The following PTPRD variants were observed in gnomAD, a reference collection of about 807,000 sequenced individuals.
PTPRD encodes the protein protein tyrosine phosphatase receptor type D.
Under a neutral mutation model 214.5 loss-of-function variants are expected in PTPRD, and 34 were observed. That is an observed-to-expected ratio of 0.16 (90% confidence interval 0.12 to 0.21). The LOEUF is 0.21. Among genes scored for constraint, PTPRD ranks in the 10% least tolerant of loss-of-function variants. The probability of loss-of-function intolerance (pLI) is 1.00; values close to 1 mark genes in which losing one functional copy is unlikely to be tolerated. For missense variants in PTPRD, 2,545 were observed against 2,398.7 expected, an observed-to-expected ratio of 1.06 and a Z score of -1.27; for synonymous variants, 1,128 against 845.7, an observed-to-expected ratio of 1.33 and a Z score of -5.79.
intron 5 of PTPRD, among the ~76,000 whole-genome samples, chr9:9,928,602 G>A (rs950703728): frequency 2.0e-5 from 3 of 151,994 alleles, no homozygotes; most frequent in African/African-American, 7.2e-5. Context: ...TGATTAACAT[G>A]GAAAAATCCA....
At chr9:9,372,108 T>G (rs1391617069) in intron 9 of PTPRD, among the ~76,000 whole-genome samples, 1 of 151,996 alleles carries the variant, frequency 6.6e-6, no homozygotes. Context: ...GGGTGGAGAG[T>G]TCTGTAGATG....
chr9:9,110,612 T>C (rs1301391247), intron 10 of PTPRD, among the ~76,000 whole-genome samples: 1 of 152,154 alleles, frequency 6.6e-6, no homozygotes, highest in Non-Finnish European at 1.5e-5. Flanking sequence ...GAATTTCTAC[T>C]CTACTTCTTA....
At chr9:8,495,527 T>C (rs547835774) in intron 26 of PTPRD, among the ~76,000 whole-genome samples, 1 of 152,304 alleles carries the variant, frequency 6.6e-6, no homozygotes, top group Non-Finnish European at 1.5e-5. Context: ...TAATGACCCA[T>C]TTAGTAGGTT....
chr9:9,467,588 C>CAAAAAAAGAAAAAAAAAAA (rs2094287717), intron 8 of PTPRD, among the ~76,000 whole-genome samples: 1 of 55,952 alleles, frequency 1.8e-5, no homozygotes, highest in Non-Finnish European at 3.2e-5. Context: ...CTCCATCTCC[C>CAAAAAAAGAAAAAAAAAAA]AAAAAAAAAA....
chr9:9,922,388 C>T (rs1447631043), intron 5 of PTPRD, among the ~76,000 whole-genome samples: 3 of 152,172 alleles, frequency 2.0e-5, no homozygotes, highest in Middle Eastern at 3.4e-3. Context: ...AATCAAGGGA[C>T]CTGTAACCTT....
chr9:10,554,981 T>C (rs772883749), intron 2 of PTPRD, among the ~76,000 whole-genome samples: 2 of 152,200 alleles, frequency 1.3e-5, no homozygotes, highest in Non-Finnish European at 2.9e-5. Flanking sequence ...AAGATCATGA[T>C]GTCTACCATT....
chr9:8,643,972 G>A (rs2096633226), intron 12 of PTPRD, among the ~76,000 whole-genome samples: 1 of 152,302 alleles, frequency 6.6e-6, no homozygotes, highest in African/African-American at 2.4e-5. Flanking sequence ...ACCATAGTGG[G>A]AACTGGTGGT....
chr9:8,716,831 C>G (rs1286241456), intron 12 of PTPRD, among the ~76,000 whole-genome samples: 2 of 151,958 alleles, frequency 1.3e-5, no homozygotes, highest in Admixed American at 1.3e-4. Flanking sequence ...ATGGAAGGCC[C>G]AGTATTGGAA....
At chr9:9,334,762 T>A (rs907576294) in intron 9 of PTPRD, among the ~76,000 whole-genome samples, 1 of 152,044 alleles carries the variant, frequency 6.6e-6, no homozygotes, top group Middle Eastern at 3.4e-3. Context: ...ATGATCATCA[T>A]CATCATCATC....
intron 5 of PTPRD, among the ~76,000 whole-genome samples, chr9:9,925,186 A>G (rs2083841325): frequency 6.6e-6 from 1 of 152,106 alleles, no homozygotes; most frequent in South Asian, 2.1e-4. Context: ...TTTAGTGGCA[A>G]TGATCACTTA....
chr9:8,497,568 G>C (rs1032518456), intron 25 of PTPRD, among the ~76,000 whole-genome samples: 1 of 152,036 alleles, frequency 6.6e-6, no homozygotes, highest in Admixed American at 6.5e-5. Context: ...TATCCTACTC[G>C]TATTTATTTT....
intron 37 of PTPRD, among the ~76,000 whole-genome samples, chr9:8,383,025 T>C (rs1046727953): frequency 2.6e-5 from 4 of 152,214 alleles, no homozygotes; most frequent in African/African-American, 7.2e-5. Flanking sequence ...GGCTGGACTT[T>C]CCAAAACTGA....
At chr9:10,009,494 T>A (rs1481979773) in intron 4 of PTPRD, among the ~76,000 whole-genome samples, 1 of 151,974 alleles carries the variant, frequency 6.6e-6, no homozygotes, top group Non-Finnish European at 1.5e-5. Flanking sequence ...TAAGTAATTA[T>A]CTATACACCT....
intron 3 of PTPRD, among the ~76,000 whole-genome samples, chr9:10,176,717 G>A (rs561464091): frequency 1.4e-3 from 215 of 151,964 alleles, no homozygotes; most frequent in African/African-American, 4.9e-3. Flanking sequence ...TTTATGAGCC[G>A]CACAGTCATC....
chr9:9,419,493 G>GGT (rs1324741317), intron 8 of PTPRD, among the ~76,000 whole-genome samples: 6 of 151,652 alleles, frequency 4.0e-5, no homozygotes, highest in African/African-American at 1.5e-4. Context: ...TGTAAAATCA[G>GGT]GTCCATGATG....
intron 44 of PTPRD, among the ~76,000 whole-genome samples, chr9:8,320,792 C>A (rs189307884): frequency 6.6e-6 from 1 of 151,986 alleles, no homozygotes; most frequent in African/African-American, 2.4e-5. Context: ...AGAATCTTCA[C>A]GGTAGCAAGA....
intron 11 of PTPRD, among the ~76,000 whole-genome samples, chr9:8,997,957 C>T (rs576260648): frequency 3.9e-5 from 6 of 152,156 alleles, no homozygotes; most frequent in South Asian, 2.1e-4. Flanking sequence ...GACCACAGCC[C>T]TAACTCTCTT....
chr9:10,530,446 A>G (rs1374958997), intron 2 of PTPRD, among the ~76,000 whole-genome samples: 1 of 152,114 alleles, frequency 6.6e-6, no homozygotes, highest in Non-Finnish European at 1.5e-5. Context: ...CAAAAAGTAC[A>G]TTTTTTTCAG....
chr9:8,439,430 G>A (rs781545275), intron 34 of PTPRD, among the ~76,000 whole-genome samples: 15 of 152,150 alleles, frequency 9.9e-5, no homozygotes, highest in Non-Finnish European at 1.8e-4. Flanking sequence ...AAAAGTTATC[G>A]TACCTTTTCT....
Sources: gnomAD v4.1 joint callset for allele counts (sites outside exome capture counted in the v4.1 genomes callset) on GRCh38, gnomAD v4.1.1 for gene constraint, MANE v1.5 for transcripts, NCBI Gene and HGNC (gene_info 2026-07-23, HGNC 2026-07-21) for gene names.